STAG2: variants seen among roughly 807,000 people sequenced by gnomAD.
STAG2 encodes STAG2 cohesin complex component, also known as cohesin subunit SA-2.
A neutral mutation model predicts 108.1 loss-of-function variants in STAG2; 14 were observed. That is an observed-to-expected ratio of 0.13 (90% confidence interval 0.09 to 0.20). STAG2 has a LOEUF of 0.20. Among genes scored for constraint, STAG2 ranks in the 10% least tolerant of loss-of-function variants. STAG2 has a pLI of 1.00. For synonymous variants in STAG2, 307 were observed against 302.7 expected, an observed-to-expected ratio of 1.01 and a Z score of -0.15; for missense variants, 440 against 940.9, an observed-to-expected ratio of 0.47 and a Z score of 6.96.
At chrX:123,982,199 T>C (rs1429031480) in intron 1 of STAG2, among the ~76,000 whole-genome samples, 3 of 100,666 alleles carry the variant, frequency 3.0e-5, no homozygotes, top group Non-Finnish European at 6.0e-5. Context: ...AAAAAAGCCA[T>C]AGTGGCATGT....
chrX:124,071,944 G>A (rs969989983), intron 25 of STAG2, among the ~76,000 whole-genome samples: 2 of 111,322 alleles, frequency 1.8e-5, no homozygotes, highest in Admixed American at 1.9e-4. Flanking sequence ...TTTAGCATGA[G>A]GTTATGGAAA....
intron 1 of STAG2, among the ~76,000 whole-genome samples, chrX:123,974,070 T>C (rs770185327): frequency 2.7e-5 from 3 of 110,473 alleles, no homozygotes; most frequent in African/African-American, 9.9e-5. Context: ...ATTAGTGACA[T>C]ACTGAAAAAT....
At chrX:124,009,430 GGT>G (rs1569501844) in intron 1 of STAG2, among the ~76,000 whole-genome samples, 1,575 of 88,278 alleles carry the variant, frequency 0.018, 21 homozygotes, top group African/African-American at 0.034. Flanking sequence ...TAGGTAGGTA[GGT>G]AGGTAGGTAG....
chrX:124,077,301 A>T (rs887709128), intron 26 of STAG2, among the ~76,000 whole-genome samples: 13 of 110,481 alleles, frequency 1.2e-4, no homozygotes, highest in African/African-American at 3.3e-4. Flanking sequence ...AACAAATTTT[A>T]AAGTTTTAGT....
Position 124,047,342 on chromosome X carries a change from C to T in STAG2, c.668-12C>T, listed in dbSNP as rs2148194134. 2 of 1,174,299 alleles carry T rather than the reference C, an allele frequency of 1.7e-6. No individual in the cohort carries two copies. The highest frequency in any genetic ancestry group is 3.1e-5 in the East Asian group (1 of 32,715). The stretch of plus-strand genomic sequence containing the variant: ...AGATTAGTTTCACCATACTTTTACT[C>T]TTTAAAAATAGCTATGAAGTTGATG... On this transcript the variant is annotated splice_polypyrimidine_tract_variant and intron_variant, in intron 8 of 34. Coordinates refer to ENST00000371145, the MANE Select transcript of STAG2 (RefSeq NM_001042750.2).
intron 24 of STAG2, among the ~76,000 whole-genome samples, chrX:124,070,681 CTCTAT>C (rs1361169683): frequency 1.8e-5 from 2 of 111,732 alleles, no homozygotes; most frequent in South Asian, 3.6e-4. Context: ...ATTTTGTGAT[CTCTAT>C]TCTAATACTT....
chrX:124,030,693 A>G (rs1427583045), intron 4 of STAG2, among the ~76,000 whole-genome samples: 2 of 111,586 alleles, frequency 1.8e-5, no homozygotes, highest in East Asian at 5.6e-4. Context: ...CACTCAGCTA[A>G]TAGTAGCAGA....
At chrX:123,962,273 C>A (rs1040926693) in intron 1 of STAG2, among the ~76,000 whole-genome samples, 1 of 111,322 alleles carries the variant, frequency 9.0e-6, no homozygotes, top group African/African-American at 3.3e-5. Context: ...CAAGTAGTTC[C>A]GCAAAACTTT....
intron 29 of STAG2, among the ~76,000 whole-genome samples, chrX:124,085,791 AAAAAAG>A (rs1270897494): frequency 9.2e-6 from 1 of 109,071 alleles, no homozygotes; most frequent in Non-Finnish European, 1.9e-5. Flanking sequence ...AAAAAAAAAA[AAAAAAG>A]AGAAAGGCAC....
At chrX:124,032,411 TACTC>T (rs1388497792) in intron 5 of STAG2, among the ~76,000 whole-genome samples, 1 of 111,914 alleles carries the variant, frequency 8.9e-6, no homozygotes, top group Non-Finnish European at 1.9e-5. Flanking sequence ...ATAAATACAA[TACTC>T]AAGGAGTATA....
chrX:124,037,137 C>T (rs573666644), intron 5 of STAG2, among the ~76,000 whole-genome samples: 10 of 111,553 alleles, frequency 9.0e-5, no homozygotes, highest in African/African-American at 3.3e-4. Context: ...CCACTCACCT[C>T]GGCCTCCCAA....
intron 27 of STAG2, among the ~76,000 whole-genome samples, chrX:124,078,959 ACT>A (rs1172677153): frequency 1.9e-5 from 2 of 107,841 alleles, no homozygotes; most frequent in Admixed American, 9.9e-5. Context: ...ACAGAGTGAG[ACT>A]CTGTCTCAAA....
chrX:124,091,302 G>T (rs1450489778), intron 32 of STAG2, among the ~76,000 whole-genome samples: 2 of 111,018 alleles, frequency 1.8e-5, no homozygotes, highest in Non-Finnish European at 3.8e-5. Flanking sequence ...CTGAACTATT[G>T]TATTAGCTTT....
At chrX:124,030,935 T>A in intron 4 of STAG2, 26 bp from the exon 5 acceptor site, 1 of 1,178,791 alleles carries the variant, frequency 8.5e-7, no homozygotes, top group East Asian at 3.0e-5. Context: ...GTGATATAAC[T>A]TAACCACCTC....
At chrX:123,973,865 A>T in intron 1 of STAG2, among the ~76,000 whole-genome samples, 1 of 109,841 alleles carries the variant, frequency 9.1e-6, no homozygotes. Context: ...AAAAGTACCT[A>T]TGAAAGATGG....
At chrX:124,035,799 G>T (rs1312229252) in intron 5 of STAG2, among the ~76,000 whole-genome samples, 1 of 111,994 alleles carries the variant, frequency 8.9e-6, no homozygotes, top group Non-Finnish European at 1.9e-5. Context: ...GGTTTGGAGA[G>T]AATGTCCTGA....
intron 1 of STAG2, among the ~76,000 whole-genome samples, chrX:123,982,461 G>A (rs933704018): frequency 7.2e-5 from 8 of 111,658 alleles, no homozygotes; most frequent in African/African-American, 1.6e-4. Flanking sequence ...TGCAACTTTC[G>A]CACCACTGCA....
chrX:124,093,481 T>C (rs1229579813), intron 32 of STAG2, among the ~76,000 whole-genome samples: 1 of 107,836 alleles, frequency 9.3e-6, no homozygotes, highest in Non-Finnish European at 1.9e-5. Context: ...TCTTTTTTTT[T>C]TTTTTTTTTT....
At chrX:124,033,762 AAAAAAACAAACAAAAAC>A (rs1340725596) in intron 5 of STAG2, among the ~76,000 whole-genome samples, 1 of 111,628 alleles carries the variant, frequency 9.0e-6, no homozygotes, top group East Asian at 2.8e-4. Context: ...AACCCTGTCT[AAAAAAACAAACAAAAAC>A]AAAAAACCAA....
Sources: gnomAD v4.1 joint callset for allele counts (sites outside exome capture counted in the v4.1 genomes callset) on GRCh38, gnomAD v4.1.1 for gene constraint, MANE v1.5 for transcripts, NCBI Gene and HGNC (gene_info 2026-07-23, HGNC 2026-07-21) for gene names.